The following CNTNAP4 variants were observed in gnomAD, a reference collection of about 807,000 sequenced individuals.
CNTNAP4 encodes the protein contactin associated protein family member 4, also known as contactin-associated protein-like 4.
CNTNAP4 carries 98 observed loss-of-function variants against 148.4 expected under a neutral mutation model. The observed-to-expected ratio is 0.66, with a 90% confidence interval of 0.56 to 0.78. The LOEUF (loss-of-function observed/expected upper bound fraction) is 0.78, where lower values mean the gene tolerates loss of function less well. Among genes scored for constraint, CNTNAP4 ranks in the 30% least tolerant of loss-of-function variants. CNTNAP4 has a pLI of 0.00. For synonymous variants in CNTNAP4, 730 were observed against 565.1 expected (o/e 1.29, Z -4.14); for missense variants, 1,935 against 1,565.6 (o/e 1.24, Z -3.98).
intron 15 of CNTNAP4, among the ~76,000 whole-genome samples, chr16:76,511,140 T>C (rs749556113): frequency 7.2e-5 from 11 of 152,218 alleles, no homozygotes; most frequent in Middle Eastern, 3.2e-3. Flanking sequence ...AGCAAGGCAG[T>C]ATTTTTAACT....
At chr16:76,478,631 T>C (rs2081684521) in intron 11 of CNTNAP4, among the ~76,000 whole-genome samples, 3 of 152,178 alleles carry the variant, frequency 2.0e-5, no homozygotes, top group Admixed American at 2.0e-4. Flanking sequence ...GGCCAAGTGT[T>C]CAATGAGAGG....
intron 3 of CNTNAP4, 30 bp from the exon 4 acceptor site, chr16:76,427,422 A>G (rs1431319629): frequency 1.9e-6 from 3 of 1,587,976 alleles, no homozygotes; most frequent in African/African-American, 2.7e-5. Flanking sequence ...CTCCAGATAC[A>G]TTGATGTGCT....
chr16:76,313,350 A>T (rs1216378953), intron 1 of CNTNAP4, among the ~76,000 whole-genome samples: 2 of 152,158 alleles, frequency 1.3e-5, no homozygotes, highest in South Asian at 2.1e-4. Context: ...AATGATTTTA[A>T]AAATTCCTAG....
chr16:76,481,899 A>C (rs12596059), intron 12 of CNTNAP4, among the ~76,000 whole-genome samples: 54,458 of 151,926 alleles, frequency 0.36, 11,201 homozygotes, highest in Middle Eastern at 0.48. Flanking sequence ...GAGAGGAGAG[A>C]GGCAAGTTGG....
chr16:76,477,590 G>C (rs770268378), intron 11 of CNTNAP4, among the ~76,000 whole-genome samples: 4 of 152,106 alleles, frequency 2.6e-5, no homozygotes, highest in Non-Finnish European at 5.9e-5. Flanking sequence ...TACCACTGTT[G>C]TTGGAGTCAT....
intron 3 of CNTNAP4, among the ~76,000 whole-genome samples, chr16:76,406,296 C>G (rs772557411): frequency 6.6e-6 from 1 of 152,054 alleles, no homozygotes; most frequent in Non-Finnish European, 1.5e-5. Context: ...CAGCAGCAAA[C>G]TTAATGGATA....
chr16:76,346,738 A>G (rs1178244837), intron 2 of CNTNAP4, among the ~76,000 whole-genome samples: 1 of 152,224 alleles, frequency 6.6e-6, no homozygotes, highest in African/African-American at 2.4e-5. Context: ...AGAATTTGGC[A>G]TATTTGTAAC....
chr16:76,515,520 C>T (rs1022124781), intron 15 of CNTNAP4, among the ~76,000 whole-genome samples: 1 of 152,164 alleles, frequency 6.6e-6, no homozygotes, highest in East Asian at 1.9e-4. Context: ...AGAGGTCTCA[C>T]AAGAAACCAA....
chr16:76,472,712 G>A (rs1047140010), intron 10 of CNTNAP4, among the ~76,000 whole-genome samples: 1 of 152,112 alleles, frequency 6.6e-6, no homozygotes, highest in Non-Finnish European at 1.5e-5. Flanking sequence ...CTAATGCAAT[G>A]AATACGACAT....
chr16:76,539,646 A>C, intron 19 of CNTNAP4, 73 bp from the exon 20 acceptor site: 1 of 1,244,412 alleles, frequency 8.0e-7, no homozygotes, highest in South Asian at 1.4e-5. Flanking sequence ...ACAAAAAATC[A>C]CTCTGATTTT....
At chr16:76,329,501 A>G (rs567513707) in intron 2 of CNTNAP4, among the ~76,000 whole-genome samples, 1 of 152,324 alleles carries the variant, frequency 6.6e-6, no homozygotes, top group African/African-American at 2.4e-5. Flanking sequence ...AGGCTACTCT[A>G]TAGATGTGGT....
intron 4 of CNTNAP4, among the ~76,000 whole-genome samples, chr16:76,428,524 T>C (rs1051051920): frequency 2.0e-5 from 3 of 152,112 alleles, no homozygotes; most frequent in African/African-American, 7.2e-5. Context: ...TGATTCACTT[T>C]CTTTACATAA....
At chr16:76,528,385 C>T (rs1371094052) in intron 17 of CNTNAP4, among the ~76,000 whole-genome samples, 1 of 152,140 alleles carries the variant, frequency 6.6e-6, no homozygotes, top group Non-Finnish European at 1.5e-5. Flanking sequence ...CCTGCCTCAG[C>T]CTCCAGAGTA....
intron 17 of CNTNAP4, among the ~76,000 whole-genome samples, chr16:76,529,528 C>T (rs2083882025): frequency 6.6e-6 from 1 of 152,164 alleles, no homozygotes. Context: ...TCAGCATTTT[C>T]GTAGAAGCTT....
chr16:76,537,701 T>A (rs1455273893), intron 18 of CNTNAP4, among the ~76,000 whole-genome samples: 1 of 152,114 alleles, frequency 6.6e-6, no homozygotes, highest in Admixed American at 6.5e-5. Flanking sequence ...CTCTCAAACA[T>A]CCTTCCTTCC....
Position 76,425,061 on chromosome 16 carries a change from T to C in CNTNAP4, c.391-2391T>C, listed in dbSNP as rs137887089. 1.8e-4 allele frequency among the ~76,000 whole-genome samples: 28 copies of C among 152,146 alleles called. No individual in the cohort carries two copies. The South Asian group carries it at 4.2e-3, about 23-fold the overall frequency. ...TTTCTTACCAAACCTCAGTAAAAAA[T>C]TTTGACCAGTGGAACAGAATGGAAC... is the stretch of plus-strand genomic sequence containing the variant. On this transcript the variant is annotated intron_variant, in intron 3 of 23. Coordinates refer to ENST00000611870, the MANE Select transcript of CNTNAP4 (RefSeq NM_033401.5).
intron 13 of CNTNAP4, among the ~76,000 whole-genome samples, chr16:76,492,962 T>TC (rs1223569619): frequency 3.3e-5 from 5 of 151,562 alleles, no homozygotes; most frequent in African/African-American, 1.2e-4. Context: ...TTTTTTTTTT[T>TC]TAATGCTTCC....
chr16:76,418,238 A>G (rs1348557894), intron 3 of CNTNAP4, among the ~76,000 whole-genome samples: 1 of 151,266 alleles, frequency 6.6e-6, no homozygotes, highest in Admixed American at 6.6e-5. Context: ...ACTTACGCAT[A>G]TGTTACAACG....
At chr16:76,538,482 A>G (rs1330798565) in intron 19 of CNTNAP4, 142 bp downstream of exon 19, 1 of 614,978 alleles carries the variant, frequency 1.6e-6, no homozygotes. Context: ...TATTTTTAGT[A>G]CTATCCTATA....
Sources: allele counts gnomAD v4.1 joint callset (sites outside exome capture counted in the v4.1 genomes callset), GRCh38; gene constraint gnomAD v4.1.1; transcripts MANE v1.5; gene names NCBI Gene and HGNC (gene_info 2026-07-23, HGNC 2026-07-21).